OSBPL9: variants seen among roughly 807,000 people sequenced by gnomAD.
OSBPL9 encodes oxysterol binding protein like 9.
A neutral mutation model predicts 106.6 loss-of-function variants in OSBPL9; 40 were observed. The ratio of observed to expected loss-of-function variants is 0.38; its 90% CI spans 0.29 to 0.49. The LOEUF is 0.49. Ranked by LOEUF, OSBPL9 falls within the 20% of genes least tolerant of loss-of-function variation. The probability of loss-of-function intolerance (pLI) is 0.97; values close to 1 mark genes in which losing one functional copy is unlikely to be tolerated. For missense variants in OSBPL9, 609 were observed against 887.2 expected (o/e 0.69, Z 3.98); for synonymous variants, 269 against 295.4 (o/e 0.91, Z 0.92).
intron 4 of OSBPL9, among the ~76,000 whole-genome samples, chr1:51,743,229 T>C (rs950670458): frequency 2.6e-4 from 40 of 152,292 alleles, no homozygotes; most frequent in African/African-American, 9.1e-4. Context: ...ACACATTACC[T>C]AAAGAAAAAT....
chr1:51,764,577 T>C (rs1672179207), intron 11 of OSBPL9, among the ~76,000 whole-genome samples: 1 of 150,712 alleles, frequency 6.6e-6, no homozygotes, highest in Admixed American at 6.6e-5. Flanking sequence ...TAAGTGACTC[T>C]GGATTCTTTT....
chr1:51,739,648 T>C (rs1437405534), intron 4 of OSBPL9, among the ~76,000 whole-genome samples: 1 of 152,028 alleles, frequency 6.6e-6, no homozygotes, highest in Admixed American at 6.6e-5. Context: ...TGATCTTCAC[T>C]CCAAATGAAT....
At chr1:51,702,666 A>G (rs1657557770) in intron 3 of OSBPL9, among the ~76,000 whole-genome samples, 1 of 152,086 alleles carries the variant, frequency 6.6e-6, no homozygotes. Flanking sequence ...CCATTTGTCA[A>G]TTTTGGCTTT....
chr1:51,729,718 TG>T lies in OSBPL9; in HGVS notation c.318+15641del. The T allele has an allele frequency of 1.2e-6, 1 of 819,470 alleles. No homozygotes were observed. The highest frequency in any genetic ancestry group is 1.6e-6 in the Non-Finnish European group (1 of 614,576). The allele number at this position is 819,470 out of a possible 1,614,324, so 50.8% of individuals were successfully genotyped here. ...CTCACCTCCTACAGCAGGTGACCCA[TG>T]GCCAATCGCCAGGGGTCTCTTTGCC... is the stretch of plus-strand genomic sequence containing the variant. On this transcript the variant is annotated intron_variant, in intron 4 of 23. Coordinates refer to ENST00000428468, the MANE Select transcript of OSBPL9 (RefSeq NM_024586.6). The surrounding 1 kb of genome is among the most constrained non-coding windows in gnomAD (Gnocchi z 5.1).
intron 4 of OSBPL9, among the ~76,000 whole-genome samples, chr1:51,716,461 C>T (rs548818633): frequency 3.9e-5 from 6 of 152,294 alleles, no homozygotes; most frequent in Non-Finnish European, 7.4e-5. Flanking sequence ...AATAAACTAA[C>T]GTAAACTTGC....
chr1:51,629,841 T>C (rs1645001600), intron 1 of OSBPL9, among the ~76,000 whole-genome samples: 1 of 151,604 alleles, frequency 6.6e-6, no homozygotes, highest in South Asian at 2.1e-4. Flanking sequence ...CCCAGCTACT[T>C]GGGAGGCTGA....
At chr1:51,780,266 G>A (rs947552841) in intron 15 of OSBPL9, among the ~76,000 whole-genome samples, 1 of 151,826 alleles carries the variant, frequency 6.6e-6, no homozygotes, top group Non-Finnish European at 1.5e-5. Flanking sequence ...TACACTGCTG[G>A]TGGGAATGTA....
the OSBPL9 span, among the ~76,000 whole-genome samples, chr1:51,558,941 A>G: frequency 6.6e-6 from 1 of 152,208 alleles, no homozygotes; most frequent in Non-Finnish European, 1.5e-5. Flanking sequence ...GTTCTCTACC[A>G]TCTCCTCCCA....
At chr1:51,536,709 C>T in the OSBPL9 span, among the ~76,000 whole-genome samples, 4 of 152,092 alleles carry the variant, frequency 2.6e-5, no homozygotes, top group African/African-American at 4.8e-5. Context: ...GAGTACTGGC[C>T]AGGTGTTCTG....
chr1:51,684,201 G>A (rs1413157121), intron 3 of OSBPL9, among the ~76,000 whole-genome samples: 2 of 151,958 alleles, frequency 1.3e-5, no homozygotes, highest in African/African-American at 2.4e-5. Flanking sequence ...TAGAGACAGG[G>A]TCTCACTATG....
the OSBPL9 span, among the ~76,000 whole-genome samples, chr1:51,572,161 T>C: frequency 6.6e-6 from 1 of 152,206 alleles, no homozygotes; most frequent in Non-Finnish European, 1.5e-5. Context: ...TTCTCTCCTT[T>C]AATCAATATG....
Position 51,787,785 on chromosome 1 carries a change from A to G in OSBPL9, c.2207A>G (p.His736Arg). The change falls in exon 24 of 24, where the codon CAT (histidine) becomes CGT (arginine). Residue 736 changes from histidine (H) to arginine (R), a missense_variant. His to Arg is a conservative substitution (Grantham distance 29). Transcript: ENST00000428468. ...PLLKRLGAAK[H>R] is the part of the protein sequence containing the mutation. The stretch of plus-strand genomic sequence containing the variant: ...CTGAAACGTCTTGGTGCTGCCAAGC[A>G]TTAGGTTGGAAGATGCAAAGTTTAT... 6.2e-7 allele frequency: 1 copy of G among 1,611,794 alleles called. No individual in the cohort carries two copies. Among genetic ancestry groups the G allele is most frequent in the African/African-American group, 1.3e-5 (1 of 75,006 alleles).
intron 4 of OSBPL9, among the ~76,000 whole-genome samples, chr1:51,722,899 G>A (rs1475999923): frequency 6.6e-6 from 1 of 152,152 alleles, no homozygotes; most frequent in African/African-American, 2.4e-5. Context: ...GTCTTTTAAG[G>A]TTATCTGCTT....
At chr1:51,629,007 T>A (rs1644945806) in intron 1 of OSBPL9, among the ~76,000 whole-genome samples, 1 of 152,122 alleles carries the variant, frequency 6.6e-6, no homozygotes, top group Non-Finnish European at 1.5e-5. Flanking sequence ...TCACTTGAGC[T>A]TTTCTTCTGT....
intron 2 of OSBPL9, among the ~76,000 whole-genome samples, chr1:51,607,453 C>A (rs558575715): frequency 6.6e-6 from 1 of 152,184 alleles, no homozygotes; most frequent in Non-Finnish European, 1.5e-5. Flanking sequence ...TGAGCCACCA[C>A]ACTTGGCCTA....
In OSBPL9 at chr1:51,661,906, GAGAGGT is replaced by G. The variant is rs774815998; in HGVS notation, c.163-7525_163-7520del. Among the ~76,000 whole-genome samples the G allele has an allele frequency of 1.3e-3, 204 of 152,300 alleles. 1 individual carries two copies. In the Middle Eastern group the frequency reaches 0.044, roughly 33 times the overall value. On this transcript the variant is annotated intron_variant, in intron 2 of 23. Coordinates refer to ENST00000428468, the MANE Select transcript of OSBPL9 (RefSeq NM_024586.6). The stretch of plus-strand genomic sequence containing the variant: ...CCTTAAGCTATTTAAGTGTAGAATA[GAGAGGT>G]AGGCATGGAGCAAATCACTAAGGGC...
At chr1:51,662,582 TA>T (rs1158679530) in intron 2 of OSBPL9, among the ~76,000 whole-genome samples, 1 of 152,054 alleles carries the variant, frequency 6.6e-6, no homozygotes, top group Non-Finnish European at 1.5e-5. Context: ...AAAAGACATA[TA>T]AGGTGTAAGG....
At chr1:51,622,886 C>A (rs1644528985) in intron 1 of OSBPL9, among the ~76,000 whole-genome samples, 1 of 152,138 alleles carries the variant, frequency 6.6e-6, no homozygotes, top group Admixed American at 6.5e-5. Flanking sequence ...TAGGCTTTAT[C>A]TTTTGAAAAG....
intron 4 of OSBPL9, among the ~76,000 whole-genome samples, chr1:51,720,198 A>G (rs1423751029): frequency 6.6e-6 from 1 of 152,222 alleles, no homozygotes; most frequent in Non-Finnish European, 1.5e-5. Flanking sequence ...TGGCTATACA[A>G]ATTTTTATAG....
Sources: gnomAD v4.1 joint callset for allele counts (sites outside exome capture counted in the v4.1 genomes callset) on GRCh38, gnomAD v4.1.1 for gene constraint, Gnocchi (gnomAD v3.1) non-coding constraint, MANE v1.5 for transcripts, NCBI Gene and HGNC (gene_info 2026-07-23, HGNC 2026-07-21) for gene names.